Variants in CCDC93 observed in about 807,000 individuals in gnomAD.
CCDC93 encodes CCC complex scaffolding subunit CCDC93, also known as coiled-coil domain-containing protein 93.
A neutral mutation model predicts 108.2 loss-of-function variants in CCDC93; 61 were observed. The ratio of observed to expected loss-of-function variants is 0.56; its 90% confidence interval spans 0.46 to 0.70. CCDC93 has a LOEUF of 0.70. Ranked by LOEUF, CCDC93 falls within the 30% of genes least tolerant of loss-of-function variation. The pLI is 0.00. For synonymous variants in CCDC93, 276 were observed against 260.4 expected (o/e 1.06, Z -0.58); for missense variants, 685 against 764.2 (o/e 0.90, Z 1.22).
intron 22 of CCDC93, among the ~76,000 whole-genome samples, chr2:117,934,292 C>A (rs1678450484): frequency 1.3e-5 from 2 of 152,188 alleles, no homozygotes; most frequent in Admixed American, 1.3e-4. Flanking sequence ...AACACACTGA[C>A]ACCTGGGTTG....
intron 23 of CCDC93, among the ~76,000 whole-genome samples, chr2:117,930,219 C>G (rs1354033914): frequency 6.6e-6 from 1 of 152,078 alleles, no homozygotes; most frequent in African/African-American, 2.4e-5. Flanking sequence ...TTCTGCAGAC[C>G]AAACACCAGG....
chr2:117,969,882 C>A (rs990852141), intron 11 of CCDC93, among the ~76,000 whole-genome samples: 1 of 152,154 alleles, frequency 6.6e-6, no homozygotes, highest in Non-Finnish European at 1.5e-5. Context: ...AGCATCGAAC[C>A]CAAAGCAAAG....
At chr2:117,929,591 C>G (rs1678253967) in intron 23 of CCDC93, among the ~76,000 whole-genome samples, 1 of 152,330 alleles carries the variant, frequency 6.6e-6, no homozygotes, top group East Asian at 1.9e-4. Flanking sequence ...TGTTTCTACA[C>G]TGTCAAAAGG....
intron 10 of CCDC93, 55 bp downstream of exon 10, chr2:117,974,795 G>T: frequency 7.3e-7 from 1 of 1,363,518 alleles, no homozygotes; most frequent in Non-Finnish European, 1.0e-6. Context: ...GAAGACCCCA[G>T]CAGAGCAGGG....
In CCDC93 at chr2:117,995,632, G is replaced by C. The variant is rs937567026; in HGVS notation, c.463-130C>G. 1.1e-5 allele frequency: 8 copies of C among 707,122 alleles called. No individual in the cohort carries two copies. The African/African-American group carries it at 1.4e-4, about 13-fold the overall frequency. 43.8% of individuals were successfully genotyped at this position (707,122 alleles called of 1,614,324 possible). On this transcript the variant is annotated intron_variant, in intron 5 of 23. Coordinates refer to ENST00000376300, the MANE Select transcript of CCDC93 (RefSeq NM_019044.5). ...TTTGCCTGACGAAGTCTCAATTTTC[G>C]AACAAATTGTAATATATTCTCCATG...
intron 6 of CCDC93, among the ~76,000 whole-genome samples, chr2:117,989,697 C>T (rs987892984): frequency 2.6e-5 from 4 of 152,182 alleles, no homozygotes; most frequent in Admixed American, 1.3e-4. Context: ...TTTCCATCTG[C>T]ATATTAGGTA....
chr2:117,945,457 A>G, intron 17 of CCDC93, 72 bp downstream of exon 17: 2 of 1,242,474 alleles, frequency 1.6e-6, no homozygotes, highest in Non-Finnish European at 2.4e-6. Flanking sequence ...ATGAGAAGCC[A>G]TCACAGGAGA....
intron 21 of CCDC93, chr2:117,935,942 C>G (rs180816913): frequency 1.8e-5 from 3 of 162,486 alleles, no homozygotes; most frequent in Non-Finnish European, 4.0e-5. Flanking sequence ...ATTTGGTTTA[C>G]AAAATTTGAG....
chr2:117,921,403 T>C (rs1677865812), intron 23 of CCDC93, among the ~76,000 whole-genome samples: 1 of 152,024 alleles, frequency 6.6e-6, no homozygotes, highest in African/African-American at 2.4e-5. Flanking sequence ...CTGGCCTTAG[T>C]AGCTCATGAT....
intron 23 of CCDC93, among the ~76,000 whole-genome samples, chr2:117,922,425 G>C (rs1677901401): frequency 6.6e-6 from 1 of 152,144 alleles, no homozygotes; most frequent in South Asian, 2.1e-4. Flanking sequence ...CTAGGTGCCA[G>C]ACAGAGAGCT....
intron 23 of CCDC93, among the ~76,000 whole-genome samples, chr2:117,928,902 C>T (rs1678221679): frequency 6.6e-6 from 1 of 152,176 alleles, no homozygotes; most frequent in African/African-American, 2.4e-5. Context: ...AAATGTGGCA[C>T]ATATACACCA....
intron 11 of CCDC93, among the ~76,000 whole-genome samples, chr2:117,966,252 T>C (rs1679569534): frequency 1.3e-5 from 2 of 152,076 alleles, no homozygotes; most frequent in East Asian, 1.9e-4. Flanking sequence ...TGGGGAGAAA[T>C]CTGTGACCTA....
chr2:117,995,066 T>C (rs1680602427), intron 6 of CCDC93, among the ~76,000 whole-genome samples: 1 of 152,218 alleles, frequency 6.6e-6, no homozygotes, highest in South Asian at 2.1e-4. Flanking sequence ...CAGAGGCTAC[T>C]CTGTCTATGC....
At chr2:117,936,840 C>T in intron 20 of CCDC93, 101 bp from the exon 21 acceptor site, 1 of 861,974 alleles carries the variant, frequency 1.2e-6, no homozygotes, top group Admixed American at 1.7e-5. Flanking sequence ...ACTGCTTCTG[C>T]AAGGAACACA....
rs1678489906 is a variant in CCDC93, at chr2:117,935,406, C to A, written c.1728+89G>T. 4.4e-6 allele frequency: 4 copies of A among 912,422 alleles called. No individual in the cohort carries two copies. The East Asian group carries it at 9.8e-5, about 22-fold the overall frequency. The allele number at this position is 912,422 out of a possible 1,614,324, so 56.5% of individuals were successfully genotyped here. The stretch of plus-strand genomic sequence containing the variant: ...TTTTCAGGATTGAGGGCACACTCCC[C>A]AACTACCAGAAGAGGCCTTTTCTTC... On this transcript the variant is annotated intron_variant, in intron 22 of 23. Transcript: ENST00000376300.
intron 12 of CCDC93, among the ~76,000 whole-genome samples, chr2:117,956,959 C>T (rs1378141602): frequency 1.3e-5 from 2 of 150,990 alleles, no homozygotes; most frequent in Non-Finnish European, 2.9e-5. Context: ...AGCATGATCT[C>T]GGCTCACCGC....
intron 11 of CCDC93, among the ~76,000 whole-genome samples, chr2:117,963,836 T>G (rs968164968): frequency 6.6e-6 from 1 of 152,252 alleles, no homozygotes; most frequent in African/African-American, 2.4e-5. Context: ...TCCAATTATC[T>G]TTGCAAGTGA....
At chr2:117,945,636 A>G in intron 16 of CCDC93, 54 bp from the exon 17 acceptor site, 1 of 1,504,100 alleles carries the variant, frequency 6.6e-7, no homozygotes, top group Non-Finnish European at 9.3e-7. Context: ...GGAATAAGAC[A>G]GAAGCCAAGG....
chr2:117,937,673 G>A (rs11890013), intron 20 of CCDC93, among the ~76,000 whole-genome samples: 43,467 of 152,138 alleles, frequency 0.29, 6,693 homozygotes, highest in African/African-American at 0.38. Flanking sequence ...AAGGTCTTTG[G>A]GAAGGGGCTG....
Sources: gnomAD v4.1 joint callset for allele counts (sites outside exome capture counted in the v4.1 genomes callset) on GRCh38, gnomAD v4.1.1 for gene constraint, MANE v1.5 for transcripts, NCBI Gene and HGNC (gene_info 2026-07-23, HGNC 2026-07-21) for gene names.